Variants in MYO6 observed in about 807,000 individuals in gnomAD.
MYO6 encodes the protein unconventional myosin-VI.
MYO6 carries 74 observed loss-of-function variants against 178.7 expected under a neutral mutation model. The observed-to-expected ratio is 0.41, with a 90% CI of 0.34 to 0.50. The LOEUF is 0.50. Ranked by LOEUF, MYO6 falls within the 20% of genes least tolerant of loss-of-function variation. The pLI is 0.09. For synonymous variants in MYO6, 477 were observed against 504.6 expected (o/e 0.95, Z 0.73); for missense variants, 1,330 against 1,547.4 (o/e 0.86, Z 2.36).
In MYO6 at chr6:75,895,012, A is replaced by G. The variant is rs3798428; in HGVS notation, c.3108-219A>G. On this transcript the variant is annotated intron_variant, in intron 28 of 34. Transcript: ENST00000369977. ...ATATGAATTTTCTAATCTAGATGTA[A>G]TGTATTTGCTCTTTAATTTTCACTG... is the stretch of plus-strand genomic sequence containing the variant. Among the ~76,000 whole-genome samples, 25 of 152,328 alleles carry G rather than the reference A, an allele frequency of 1.6e-4. 1 individual carries two copies. In the East Asian group the frequency reaches 4.6e-3, roughly 28 times the overall value.
chr6:75,888,807 C>G (rs1778671754), intron 25 of MYO6, among the ~76,000 whole-genome samples: 1 of 151,944 alleles, frequency 6.6e-6, no homozygotes, highest in African/African-American at 2.4e-5. Context: ...ATATACTTGT[C>G]CATGTTAATA....
rs779803408 is a variant in MYO6, at chr6:75,756,730, G to T, written c.-48+7307G>T. On this transcript the variant is annotated intron_variant, in intron 1 of 34. Transcript: ENST00000369977. Reference sequence around the variant, plus strand: ...TTAGCTCAATCACTGTGTCACCTCAGTGGTGCTGGTGTTATGACCTTCATT... The same window carrying T: ...TTAGCTCAATCACTGTGTCACCTCATTGGTGCTGGTGTTATGACCTTCATT... Among the ~76,000 whole-genome samples the T allele has an allele frequency of 3.9e-5, 6 of 152,082 alleles. No homozygotes were observed. The South Asian group carries it at 8.3e-4, about 21-fold the overall frequency.
chr6:75,908,635 G>T lies in MYO6; in HGVS notation c.3412+8G>T, dbSNP rs772843275. On this transcript the variant is annotated splice_region_variant and intron_variant, in intron 32 of 34. Coordinates refer to ENST00000369977, the MANE Select transcript of MYO6 (RefSeq NM_004999.4). ...AGTCTGTTACTGATTATGGTAAAGA[G>T]AAATCTGTACTTTTGAACGTTTTAA... 2.4e-5 allele frequency: 39 copies of T among 1,612,878 alleles called. No homozygotes were observed. The highest frequency in any genetic ancestry group is 1.6e-4 in the Middle Eastern group (1 of 6,076).
At chr6:75,850,367 T>C (rs1218161987) in intron 11 of MYO6, among the ~76,000 whole-genome samples, 1 of 152,216 alleles carries the variant, frequency 6.6e-6, no homozygotes, top group Non-Finnish European at 1.5e-5. Flanking sequence ...ATAAATATAA[T>C]GAGGTAGGGG....
chr6:75,865,770 A>C (rs886703015), intron 16 of MYO6, among the ~76,000 whole-genome samples: 3 of 152,150 alleles, frequency 2.0e-5, no homozygotes, highest in African/African-American at 7.2e-5. Context: ...ATTATGATTA[A>C]ATGGTACAAC....
rs184968302 is a variant in MYO6, at chr6:75,904,828, T to C, written c.3177-2777T>C. ...TCTGCTTTTTAGAGTTTCCAGTTTT[T>C]CTGCTCTGTTTCTTCCCCATCTTTG... On this transcript the variant is annotated intron_variant, in intron 30 of 34. Transcript: ENST00000369977. Among the ~76,000 whole-genome samples, 65 of 152,348 alleles carry C rather than the reference T, an allele frequency of 4.3e-4. No homozygotes were observed. The East Asian group carries it at 0.011, about 26-fold the overall frequency.
At chr6:75,749,654 C>A (rs940834651) in intron 1 of MYO6, among the ~76,000 whole-genome samples, 6 of 152,238 alleles carry the variant, frequency 3.9e-5, no homozygotes, top group Admixed American at 3.3e-4. Context: ...CATGGGTTCT[C>A]ATCACCAAGG....
At chr6:75,886,791 G>T in intron 24 of MYO6, 53 bp from the exon 25 acceptor site, 3 of 1,558,498 alleles carry the variant, frequency 1.9e-6, no homozygotes, top group Non-Finnish European at 2.7e-6. Context: ...TGAAAAATCT[G>T]CCAAAAGTAC....
At chr6:75,871,216 A>T (rs919335862) in intron 19 of MYO6, among the ~76,000 whole-genome samples, 2 of 152,112 alleles carry the variant, frequency 1.3e-5, no homozygotes, top group African/African-American at 4.8e-5. Flanking sequence ...CCAAAGTAAG[A>T]CTTATTTTTT....
intron 1 of MYO6, among the ~76,000 whole-genome samples, chr6:75,790,571 G>A (rs1170699779): frequency 1.3e-5 from 2 of 151,964 alleles, no homozygotes; most frequent in Admixed American, 1.3e-4. Flanking sequence ...TAGTAGAGAT[G>A]TTTCACCATG....
intron 30 of MYO6, among the ~76,000 whole-genome samples, chr6:75,905,459 C>T (rs574420290): frequency 1.7e-4 from 26 of 152,360 alleles, no homozygotes; most frequent in Non-Finnish European, 3.2e-4. Flanking sequence ...GCGCAGTATT[C>T]GGGTGGAAGT....
intron 1 of MYO6, among the ~76,000 whole-genome samples, chr6:75,764,947 C>A (rs796537305): frequency 6.6e-6 from 1 of 150,576 alleles, no homozygotes; most frequent in African/African-American, 2.4e-5. Context: ...TGCAGTGAGC[C>A]GAGATCATGC....
At chr6:75,787,824 A>G (rs939321535) in intron 1 of MYO6, among the ~76,000 whole-genome samples, 34 of 144,962 alleles carry the variant, frequency 2.3e-4, no homozygotes, top group African/African-American at 8.0e-4. Flanking sequence ...CAGTGGCACA[A>G]TCATGGCTCA....
In MYO6 at chr6:75,855,248, A is replaced by G. The variant is rs1295567698; in HGVS notation, c.1188A>G (p.Leu396=). 1.9e-6 allele frequency: 3 copies of G among 1,613,706 alleles called. No individual in the cohort carries two copies. Among genetic ancestry groups the G allele is most frequent in the African/African-American group, 1.3e-5 (1 of 75,046 alleles). ...TAAGTTTGACCACAAGAGTCATGCT[A>G]ACAACAGCAGGGGGCACCAAAGGAA... The part of the protein sequence containing the change: ...LRVSLTTRVM[L]TTAGGTKGTV... Residue 396 remains leucine, a synonymous_variant, in exon 12 of 35, where the codon CTA becomes CTG. Coordinates refer to ENST00000369977, the MANE Select transcript of MYO6 (RefSeq NM_004999.4).
At chr6:75,877,952 C>T (rs1271868614) in intron 20 of MYO6, among the ~76,000 whole-genome samples, 3 of 152,088 alleles carry the variant, frequency 2.0e-5, no homozygotes, top group African/African-American at 4.8e-5. Flanking sequence ...CATACATTTC[C>T]AAAGGTACTT....
intron 1 of MYO6, among the ~76,000 whole-genome samples, chr6:75,793,607 G>T (rs1437864096): frequency 6.7e-6 from 1 of 149,518 alleles, no homozygotes; most frequent in African/African-American, 2.5e-5. Context: ...CAAAAAAAAA[G>T]AAAAAAAAAT....
intron 29 of MYO6, among the ~76,000 whole-genome samples, chr6:75,895,665 G>T (rs755679796): frequency 1.3e-5 from 2 of 151,656 alleles, no homozygotes; most frequent in Non-Finnish European, 2.9e-5. Context: ...CTACAGGCAC[G>T]CACCACCACA....
chr6:75,817,088 G>A (rs1455214661), intron 1 of MYO6, among the ~76,000 whole-genome samples: 4 of 152,104 alleles, frequency 2.6e-5, no homozygotes, highest in Non-Finnish European at 2.9e-5. Context: ...GGCGGATCAC[G>A]AGGTCAGGAG....
chr6:75,900,005 G>A (rs1465549956), intron 30 of MYO6, among the ~76,000 whole-genome samples: 2 of 150,538 alleles, frequency 1.3e-5, no homozygotes, highest in Non-Finnish European at 3.0e-5. Flanking sequence ...TTGTTCTTGC[G>A]ATAGTTTACT....
Sources: allele counts gnomAD v4.1 joint callset (sites outside exome capture counted in the v4.1 genomes callset), GRCh38; gene constraint gnomAD v4.1.1; transcripts MANE v1.5; gene names NCBI Gene and HGNC (gene_info 2026-07-23, HGNC 2026-07-21).